ATF7IP2: variants seen among roughly 807,000 people sequenced by gnomAD.
ATF7IP2 encodes activating transcription factor 7-interacting protein 2.
ATF7IP2 carries 42 observed loss-of-function variants against 64.2 expected under a neutral mutation model. The ratio of observed to expected loss-of-function variants is 0.65; its 90% CI spans 0.51 to 0.85. The LOEUF is 0.85. ATF7IP2 is among the 40% of genes least tolerant of loss of function. ATF7IP2 has a pLI of 0.00. For synonymous variants in ATF7IP2, 308 were observed against 272.8 expected, an observed-to-expected ratio of 1.13 and a Z score of -1.27; for missense variants, 933 against 784.2, an observed-to-expected ratio of 1.19 and a Z score of -2.27.
chr16:10,474,838 A>G (rs2049944300), intron 12 of ATF7IP2, among the ~76,000 whole-genome samples: 1 of 152,230 alleles, frequency 6.6e-6, no homozygotes, highest in Non-Finnish European at 1.5e-5. Flanking sequence ...AATGCAAGCC[A>G]AAAGACAATT....
chr16:10,473,675 T>A (rs919206949), intron 11 of ATF7IP2, 141 bp downstream of exon 11: 6 of 686,596 alleles, frequency 8.7e-6, no homozygotes, highest in Non-Finnish European at 1.3e-5. Flanking sequence ...TAAGCATAAT[T>A]CATAACGATA....
At chr16:10,450,234 G>C (rs1324965278) in intron 8 of ATF7IP2, among the ~76,000 whole-genome samples, 1 of 152,122 alleles carries the variant, frequency 6.6e-6, no homozygotes, top group Non-Finnish European at 1.5e-5. Context: ...TTTAATTCCA[G>C]TTATGTGGTC....
intron 12 of ATF7IP2, among the ~76,000 whole-genome samples, chr16:10,477,617 C>T (rs374394210): frequency 6.6e-6 from 1 of 152,104 alleles, no homozygotes; most frequent in Non-Finnish European, 1.5e-5. Flanking sequence ...CTCACCGCTC[C>T]TATTCAACAT....
At chr16:10,432,784 A>T (rs2048300246) in intron 5 of ATF7IP2, among the ~76,000 whole-genome samples, 1 of 152,170 alleles carries the variant, frequency 6.6e-6, no homozygotes, top group South Asian at 2.1e-4. Context: ...AGACTGAGAC[A>T]GGAGAATTGC....
chr16:10,476,546 G>C (rs1188460038), intron 12 of ATF7IP2, among the ~76,000 whole-genome samples: 1 of 151,912 alleles, frequency 6.6e-6, no homozygotes, highest in Non-Finnish European at 1.5e-5. Context: ...GGATGTGCAG[G>C]TTTGTTACAT....
chr16:10,391,379 C>T (rs2047319405), intron 1 of ATF7IP2, among the ~76,000 whole-genome samples: 1 of 151,400 alleles, frequency 6.6e-6, no homozygotes, highest in South Asian at 2.1e-4. Context: ...GGAGATCTTG[C>T]ATTGCACTCC....
At chr16:10,427,074 G>A (rs749086873) in intron 3 of ATF7IP2, among the ~76,000 whole-genome samples, 2 of 152,106 alleles carry the variant, frequency 1.3e-5, no homozygotes, top group Admixed American at 6.6e-5. Flanking sequence ...GGGTGGTCTC[G>A]AACTCCTGGC....
At chr16:10,474,867 G>T (rs960548046) in intron 12 of ATF7IP2, among the ~76,000 whole-genome samples, 6 of 152,174 alleles carry the variant, frequency 3.9e-5, no homozygotes, top group African/African-American at 1.4e-4. Context: ...TCATTAAAAG[G>T]TTGGGGGAAA....
intron 2 of ATF7IP2, among the ~76,000 whole-genome samples, chr16:10,416,680 C>A (rs558243658): frequency 6.6e-6 from 1 of 152,064 alleles, no homozygotes; most frequent in Non-Finnish European, 1.5e-5. Context: ...ACCTGTAATC[C>A]CTGCTACTCA....
chr16:10,434,804 G>A (rs1458774964), intron 6 of ATF7IP2, among the ~76,000 whole-genome samples: 1 of 152,110 alleles, frequency 6.6e-6, no homozygotes, highest in Non-Finnish European at 1.5e-5. Context: ...GTTTTTGTTT[G>A]TTTGTTTGTT....
intron 1 of ATF7IP2, among the ~76,000 whole-genome samples, chr16:10,401,974 A>AT (rs1176040146): frequency 3.3e-5 from 5 of 151,482 alleles, no homozygotes; most frequent in African/African-American, 1.2e-4. Context: ...TTAATTTCTG[A>AT]TTTTGTTTAT....
intron 8 of ATF7IP2, among the ~76,000 whole-genome samples, chr16:10,455,176 G>T (rs953601633): frequency 6.6e-6 from 1 of 152,136 alleles, no homozygotes; most frequent in Non-Finnish European, 1.5e-5. Context: ...TACCTTACAT[G>T]GTGAAAAGAG....
intron 1 of ATF7IP2, among the ~76,000 whole-genome samples, chr16:10,406,239 T>C (rs1425445605): frequency 6.6e-6 from 1 of 152,178 alleles, no homozygotes; most frequent in Non-Finnish European, 1.5e-5. Context: ...CTCGAGTAGC[T>C]GGGACTACAG....
intron 1 of ATF7IP2, among the ~76,000 whole-genome samples, chr16:10,409,885 T>G (rs1024921655): frequency 6.6e-6 from 1 of 152,208 alleles, no homozygotes; most frequent in Non-Finnish European, 1.5e-5. Context: ...CTCAGTTGAC[T>G]GTAAGTATTT....
chr16:10,479,958 CTTTTTTTTTTTTTTTTTTTTTTTTTTTT>C (rs201158427), intron 12 of ATF7IP2, among the ~76,000 whole-genome samples: 1 of 80,568 alleles, frequency 1.2e-5, no homozygotes, highest in Non-Finnish European at 2.4e-5. Flanking sequence ...ACTGGAAATA[CTTTTTTTTTTTTTTTTTTTTTTTTTTTT>C]TTTTTTTTTT....
intron 1 of ATF7IP2, among the ~76,000 whole-genome samples, chr16:10,391,210 C>T (rs1347021748): frequency 1.3e-5 from 2 of 148,712 alleles, no homozygotes; most frequent in Non-Finnish European, 3.0e-5. Flanking sequence ...AATCCCAGTA[C>T]TTTGGGAGGC....
intron 6 of ATF7IP2, among the ~76,000 whole-genome samples, chr16:10,435,061 C>T (rs1019766294): frequency 2.0e-5 from 3 of 152,156 alleles, no homozygotes; most frequent in Non-Finnish European, 4.4e-5. Context: ...AGCCACCGCG[C>T]CCAGCCAGAA....
At chr16:10,391,593 C>T (rs1226894461) in intron 1 of ATF7IP2, among the ~76,000 whole-genome samples, 1 of 151,996 alleles carries the variant, frequency 6.6e-6, no homozygotes, top group Non-Finnish European at 1.5e-5. Context: ...AAGAGAAAAG[C>T]ACATCACTAA....
intron 7 of ATF7IP2, 64 bp from the exon 8 acceptor site, chr16:10,440,300 C>A: frequency 1.3e-6 from 1 of 747,924 alleles, no homozygotes; most frequent in South Asian, 2.3e-5. Flanking sequence ...ATAATTTACC[C>A]TCTATCTCTA....
Sources: gnomAD v4.1 joint callset for allele counts (sites outside exome capture counted in the v4.1 genomes callset) on GRCh38, gnomAD v4.1.1 for gene constraint, MANE v1.5 for transcripts, NCBI Gene and HGNC (gene_info 2026-07-23, HGNC 2026-07-21) for gene names.